The following TBL1X variants were observed in gnomAD, a reference collection of about 807,000 sequenced individuals.
The protein encoded by TBL1X is F-box-like/WD repeat-containing protein TBL1X.
In TBL1X, 10 loss-of-function variants were observed where a neutral mutation model predicts 50.7. That is an observed-to-expected ratio of 0.20 (90% CI 0.12 to 0.33). The LOEUF (loss-of-function observed/expected upper bound fraction) is 0.33, where lower values mean the gene tolerates loss of function less well. TBL1X is among the 10% of genes least tolerant of loss of function. The pLI is 1.00. For missense variants in TBL1X, 340 were observed against 504.4 expected (o/e 0.67, Z 3.12); for synonymous variants, 190 against 214.7 (o/e 0.88, Z 1.01).
At chrX:9,499,343 G>A (rs780471271) in intron 1 of TBL1X, among the ~76,000 whole-genome samples, 3 of 111,466 alleles carry the variant, frequency 2.7e-5, no homozygotes, top group Admixed American at 9.5e-5. Flanking sequence ...TGAGGACCTC[G>A]CCCGCTAGTC....
intron 2 of TBL1X, among the ~76,000 whole-genome samples, chrX:9,512,493 T>G (rs1338701587): frequency 1.0e-5 from 1 of 96,946 alleles, no homozygotes; most frequent in African/African-American, 3.7e-5. Flanking sequence ...ACTTTCTCTA[T>G]GTACGTTTTT....
chrX:9,683,853 T>C, intron 5 of TBL1X, 190 bp from the exon 6 acceptor site: 1 of 536,733 alleles, frequency 1.9e-6, no homozygotes, highest in East Asian at 3.6e-5. Flanking sequence ...CTGAAGTCCC[T>C]CCCTCTCTCC....
intron 2 of TBL1X, among the ~76,000 whole-genome samples, chrX:9,523,838 C>T (rs2082118341): frequency 9.0e-6 from 1 of 110,876 alleles, no homozygotes. Context: ...AAAGTAGAAT[C>T]ATAAAGGAAG....
chrX:9,706,602 G>A lies in TBL1X; in HGVS notation c.1236+1488G>A, dbSNP rs187226447. On this transcript the variant is annotated intron_variant, in intron 13 of 17. Transcript: ENST00000645353. ...ATTATATACCAGGGAACAACAATGGGAACAACAGCTGACTTAGCAAATTCC... is the reference window on the plus strand; with the variant it reads ...ATTATATACCAGGGAACAACAATGGAAACAACAGCTGACTTAGCAAATTCC... Among the ~76,000 whole-genome samples the A allele has an allele frequency of 5.6e-3, 626 of 111,452 alleles. 7 individuals carry two copies. The highest frequency in any genetic ancestry group is 0.028 in the Middle Eastern group (6 of 217).
intron 2 of TBL1X, among the ~76,000 whole-genome samples, chrX:9,588,858 C>T (rs968025189): frequency 9.0e-6 from 1 of 111,158 alleles, no homozygotes; most frequent in Non-Finnish European, 1.9e-5. Context: ...CTGCCTCGAC[C>T]TCCCAAAGTG....
intron 16 of TBL1X, among the ~76,000 whole-genome samples, chrX:9,714,061 C>T (rs759850257): frequency 5.9e-4 from 65 of 111,072 alleles, no homozygotes; most frequent in Non-Finnish European, 1.1e-3. Flanking sequence ...TCCGTCCTCC[C>T]GCCTCGGCCT....
At chrX:9,483,822 T>C (rs925510636) in intron 1 of TBL1X, among the ~76,000 whole-genome samples, 11 of 106,977 alleles carry the variant, frequency 1.0e-4, no homozygotes, top group African/African-American at 3.1e-4. Flanking sequence ...CAGTCTAGAG[T>C]ACAACATTAT....
chrX:9,476,058 A>G (rs2081847809), intron 1 of TBL1X, among the ~76,000 whole-genome samples: 1 of 111,765 alleles, frequency 8.9e-6, no homozygotes, highest in Admixed American at 9.5e-5. Context: ...AAGCTGAAAT[A>G]TTTGTGTCTA....
At chrX:9,665,604 C>G (rs1442946497) in intron 5 of TBL1X, among the ~76,000 whole-genome samples, 1 of 84,332 alleles carries the variant, frequency 1.2e-5, no homozygotes, top group African/African-American at 4.4e-5. Flanking sequence ...TGTTTTTCTT[C>G]TTAGTCAGCT....
intron 1 of TBL1X, among the ~76,000 whole-genome samples, chrX:9,494,811 G>A (rs2681635): frequency 0.43 from 47,930 of 110,445 alleles, 7,631 homozygotes; most frequent in East Asian, 0.57. Context: ...GAGAAATTTC[G>A]GTCTTGAGTT....
intron 2 of TBL1X, among the ~76,000 whole-genome samples, chrX:9,544,483 G>GTT (rs1373868184): frequency 2.7e-4 from 29 of 105,859 alleles, no homozygotes; most frequent in African/African-American, 8.9e-4. Context: ...AAGTGAGTGG[G>GTT]TTTTTTTTTT....
At chrX:9,653,512 C>T in intron 3 of TBL1X, 33 bp from the exon 4 acceptor site, 1 of 892,100 alleles carries the variant, frequency 1.1e-6, no homozygotes, top group African/African-American at 2.0e-5. Context: ...GACAGAGGTG[C>T]TCCCTGCCTT....
chrX:9,702,851 A>G (rs758604760), intron 12 of TBL1X, among the ~76,000 whole-genome samples: 1 of 111,667 alleles, frequency 9.0e-6, no homozygotes, highest in East Asian at 2.8e-4. Flanking sequence ...AGTTGCCCTA[A>G]CCCTGCTGCC....
chrX:9,701,738 T>C (rs1249436521), intron 12 of TBL1X, among the ~76,000 whole-genome samples: 1 of 111,287 alleles, frequency 9.0e-6, no homozygotes, highest in Non-Finnish European at 1.9e-5. Context: ...CGCCATCTCT[T>C]GGACCGCTCA....
intron 7 of TBL1X, among the ~76,000 whole-genome samples, chrX:9,690,828 A>G (rs5979152): frequency 0.069 from 7,655 of 111,123 alleles, 661 homozygotes; most frequent in African/African-American, 0.24. Context: ...TCTTGGGCTC[A>G]AGTGATCCTC....
intron 2 of TBL1X, among the ~76,000 whole-genome samples, chrX:9,539,369 C>T (rs1055289243): frequency 1.8e-5 from 2 of 111,021 alleles, no homozygotes; most frequent in Admixed American, 9.6e-5. Flanking sequence ...TGAAGTTGAC[C>T]GTATGTACTC....
chrX:9,704,499 C>G (rs971847316), intron 12 of TBL1X, among the ~76,000 whole-genome samples: 8 of 111,572 alleles, frequency 7.2e-5, no homozygotes, highest in Non-Finnish European at 1.5e-4. Flanking sequence ...CCCAGGACAT[C>G]TTGTCATCCC....
intron 2 of TBL1X, among the ~76,000 whole-genome samples, chrX:9,522,009 GTTTC>G (rs2082109337): frequency 1.0e-5 from 1 of 100,164 alleles, no homozygotes; most frequent in Non-Finnish European, 2.0e-5. Flanking sequence ...GTCTTTCTTC[GTTTC>G]TTTTTTTTTT....
At chrX:9,504,893 G>A (rs747079130) in intron 2 of TBL1X, among the ~76,000 whole-genome samples, 19 of 111,724 alleles carry the variant, frequency 1.7e-4, no homozygotes, top group Non-Finnish European at 3.0e-4. Context: ...ACACTTCAGG[G>A]TATTATCCAG....
Sources: gnomAD v4.1 joint callset for allele counts (sites outside exome capture counted in the v4.1 genomes callset) on GRCh38, gnomAD v4.1.1 for gene constraint, MANE v1.5 for transcripts, NCBI Gene and HGNC (gene_info 2026-07-23, HGNC 2026-07-21) for gene names.